MGAT4C: variants seen among roughly 807,000 people sequenced by gnomAD.
MGAT4C encodes the protein MGAT4 family member C.
MGAT4C carries 19 observed loss-of-function variants against 40.1 expected under a neutral mutation model. The observed-to-expected ratio is 0.47, with a 90% confidence interval of 0.33 to 0.70. The LOEUF (loss-of-function observed/expected upper bound fraction) is 0.70. Among genes scored for constraint, MGAT4C ranks in the 30% least tolerant of loss-of-function variants. MGAT4C has a pLI of 0.02. For missense variants in MGAT4C, 491 were observed against 563.2 expected (o/e 0.87, Z 1.30); for synonymous variants, 181 against 187.1 (o/e 0.97, Z 0.27).
intron 1 of MGAT4C, among the ~76,000 whole-genome samples, chr12:86,192,277 G>A (rs1176499296): frequency 6.6e-6 from 1 of 152,050 alleles, no homozygotes; most frequent in East Asian, 1.9e-4. Flanking sequence ...ATCAAAGAGT[G>A]TCTGCTTTAA....
chr12:86,744,095 T>C (rs917717332), intron 1 of MGAT4C, among the ~76,000 whole-genome samples: 2 of 151,556 alleles, frequency 1.3e-5, no homozygotes, highest in Non-Finnish European at 3.0e-5. Flanking sequence ...TACTGAAATT[T>C]ACAGCGGGCT....
intron 1 of MGAT4C, among the ~76,000 whole-genome samples, chr12:86,057,988 T>A (rs571049716): frequency 2.0e-5 from 3 of 152,254 alleles, no homozygotes; most frequent in African/African-American, 7.2e-5. Flanking sequence ...GCTTTTTAAA[T>A]CTAGATTTTA....
At position 86,114,983 on chromosome 12, in the gene MGAT4C, C is replaced by T. The variant is rs116152218; in HGVS notation, c.-56-65260G>A. On this transcript the variant is annotated intron_variant, in intron 1 of 4. Coordinates refer to ENST00000611864, the MANE Select transcript of MGAT4C (RefSeq NM_001351288.2). Reference sequence around the variant, plus strand: ...AAATAGCGGACAACCTAACAGAATTCATCTGTTTTACTGTTTAGTGACACC... The same window carrying T: ...AAATAGCGGACAACCTAACAGAATTTATCTGTTTTACTGTTTAGTGACACC... Among the ~76,000 whole-genome samples, 286 of 151,970 alleles carry T rather than the reference C, an allele frequency of 1.9e-3. 1 individual carries two copies. Among genetic ancestry groups the T allele is most frequent in the African/African-American group, 6.5e-3 (269 of 41,498 alleles).
rs1443811444 is a variant in MGAT4C, at chr12:86,190,729, CT to C, written c.-57+65509del. Among the ~76,000 whole-genome samples, 4 of 151,822 alleles carry C rather than the reference CT, an allele frequency of 2.6e-5. No homozygotes were observed. The South Asian group carries it at 6.2e-4, about 24-fold the overall frequency. On this transcript the variant is annotated intron_variant, in intron 1 of 4. Transcript: ENST00000611864. ...GGCTAGATTAAGACAAATAACGTGT[CT>C]TTTTTTGGTCACACACTAGATGTGA...
chr12:86,093,949 G>A (rs1256432209), intron 1 of MGAT4C, among the ~76,000 whole-genome samples: 2 of 152,028 alleles, frequency 1.3e-5, no homozygotes, highest in African/African-American at 4.8e-5. Context: ...GCATATTCTT[G>A]TAATTATTAG....
chr12:86,458,575 T>A (rs1057123675), intron 2 of MGAT4C, among the ~76,000 whole-genome samples: 1 of 152,250 alleles, frequency 6.6e-6, no homozygotes. Flanking sequence ...CTATATTACA[T>A]GTTTTCACAT....
intron 2 of MGAT4C, among the ~76,000 whole-genome samples, chr12:86,527,395 T>A (rs1006375651): frequency 6.6e-6 from 1 of 152,220 alleles, no homozygotes; most frequent in African/African-American, 2.4e-5. Flanking sequence ...TTTATTACTG[T>A]ATCTTTGTCA....
rs1565894289 is a variant in MGAT4C at position 86,038,568 on chromosome 12, T to TTTATTTATTTA, written c.-7+11105_-7+11106insTAAATAAATAA. ...TATTTATTTATTTATTTATTTATTT[T>TTTATTTATTTA]TTTGCTTTCCATTTGCTTGGTAAAT... On this transcript the variant is annotated intron_variant, in intron 2 of 4. Coordinates refer to ENST00000611864, the MANE Select transcript of MGAT4C (RefSeq NM_001351288.2). Among the ~76,000 whole-genome samples the TTTATTTATTTA allele has an allele frequency of 4.7e-3, 445 of 93,920 alleles. 11 individuals carry two copies. The highest frequency in any genetic ancestry group is 0.02 in the African/African-American group (428 of 21,100). 61.6% of individuals were successfully genotyped at this position (93,920 alleles called of 152,430 possible). A position where few individuals can be genotyped will look rare whatever the true frequency, so the allele number is the denominator to read the frequency against.
intron 3 of MGAT4C, among the ~76,000 whole-genome samples, chr12:86,372,844 C>T (rs567864163): frequency 1.3e-5 from 2 of 151,478 alleles, no homozygotes; most frequent in East Asian, 3.9e-4. Context: ...TTTGTCACAC[C>T]CAAACTATCA....
intron 4 of MGAT4C, among the ~76,000 whole-genome samples, chr12:86,325,431 T>C (rs1441224048): frequency 6.6e-6 from 1 of 152,150 alleles, no homozygotes; most frequent in African/African-American, 2.4e-5. Flanking sequence ...AAGTGTACAA[T>C]ATAATATTGG....
At chr12:86,056,231 T>C (rs1423518617) in intron 1 of MGAT4C, among the ~76,000 whole-genome samples, 2 of 152,140 alleles carry the variant, frequency 1.3e-5, no homozygotes, top group African/African-American at 2.4e-5. Flanking sequence ...GAGTGATCTA[T>C]TTATTTTTAT....
At chr12:86,355,358 G>C (rs1955285686) in intron 3 of MGAT4C, among the ~76,000 whole-genome samples, 1 of 150,568 alleles carries the variant, frequency 6.6e-6, no homozygotes, top group African/African-American at 2.4e-5. Context: ...AGTCTCAGAA[G>C]GTTAGAAAAA....
intron 2 of MGAT4C, among the ~76,000 whole-genome samples, chr12:86,511,549 C>G (rs972638295): frequency 2.6e-5 from 4 of 152,028 alleles, no homozygotes; most frequent in Non-Finnish European, 4.4e-5. Flanking sequence ...AATATAAAGA[C>G]AGACATTTAT....
chr12:86,108,762 C>A (rs1876679387), intron 1 of MGAT4C, among the ~76,000 whole-genome samples: 1 of 152,142 alleles, frequency 6.6e-6, no homozygotes, highest in East Asian at 1.9e-4. Context: ...ATGCATGCCT[C>A]AGGACCACCA....
chr12:86,230,159 A>T (rs1048621387), intron 1 of MGAT4C, among the ~76,000 whole-genome samples: 2 of 152,088 alleles, frequency 1.3e-5, no homozygotes, highest in Non-Finnish European at 2.9e-5. Flanking sequence ...CTGAATGAAT[A>T]AAAAAGCACT....
chr12:86,344,173 G>A (rs1445690024), intron 3 of MGAT4C, among the ~76,000 whole-genome samples: 1 of 152,126 alleles, frequency 6.6e-6, no homozygotes, highest in Non-Finnish European at 1.5e-5. Flanking sequence ...TTGAATAAAT[G>A]GGGTTGAAAA....
intron 3 of MGAT4C, among the ~76,000 whole-genome samples, chr12:86,346,798 G>A (rs1955043407): frequency 1.3e-5 from 2 of 152,238 alleles, no homozygotes; most frequent in African/African-American, 4.8e-5. Context: ...GAGATAGGCA[G>A]ACCGATCCTC....
At chr12:86,135,202 G>C (rs879730390) in intron 1 of MGAT4C, among the ~76,000 whole-genome samples, 6 of 151,940 alleles carry the variant, frequency 3.9e-5, no homozygotes, top group Non-Finnish European at 7.4e-5. Flanking sequence ...ACCAACTCAG[G>C]GTTTATATAA....
intron 2 of MGAT4C, among the ~76,000 whole-genome samples, chr12:86,573,379 A>T (rs554409292): frequency 6.6e-6 from 1 of 152,198 alleles, no homozygotes; most frequent in South Asian, 2.1e-4. Context: ...AAATTAAGAC[A>T]GAGAAGTAAA....
Sources: allele counts gnomAD v4.1 joint callset (sites outside exome capture counted in the v4.1 genomes callset), GRCh38; gene constraint gnomAD v4.1.1; transcripts MANE v1.5; gene names NCBI Gene and HGNC (gene_info 2026-07-23, HGNC 2026-07-21).